The following PACRG variants were observed in gnomAD, a reference collection of about 807,000 sequenced individuals.
The protein encoded by PACRG is parkin coregulated gene protein.
A neutral mutation model predicts 29.7 loss-of-function variants in PACRG; 29 were observed. The observed-to-expected ratio is 0.98, with a 90% CI of 0.73 to 1.33. The LOEUF (loss-of-function observed/expected upper bound fraction) is 1.33. PACRG is among the 40% of genes most tolerant of loss of function. The pLI, the probability that PACRG is intolerant of heterozygous loss-of-function variation, is 0.00. For missense variants in PACRG, 279 were observed against 316.2 expected (o/e 0.88, Z 0.89); for synonymous variants, 116 against 118.7 (o/e 0.98, Z 0.15).
chr6:162,736,555 G>A (rs1217982154), intron 1 of PACRG, among the ~76,000 whole-genome samples: 1 of 151,984 alleles, frequency 6.6e-6, no homozygotes, highest in African/African-American at 2.4e-5. Context: ...ATCATGTTTG[G>A]TGAAATATAA....
intron 1 of PACRG, among the ~76,000 whole-genome samples, chr6:162,729,019 C>G (rs1432277719): frequency 6.6e-6 from 1 of 152,102 alleles, no homozygotes; most frequent in Non-Finnish European, 1.5e-5. Context: ...TATATCTCTG[C>G]TACTAATACA....
intron 2 of PACRG, among the ~76,000 whole-genome samples, chr6:162,899,344 C>CG (rs1554300294): frequency 3.9e-5 from 6 of 152,018 alleles, no homozygotes; most frequent in Admixed American, 6.6e-5. Flanking sequence ...CCAGAAACCA[C>CG]GGGGGGAAAG....
intron 2 of PACRG, among the ~76,000 whole-genome samples, chr6:163,004,595 C>T (rs1260915097): frequency 6.6e-6 from 1 of 151,788 alleles, no homozygotes; most frequent in East Asian, 2.0e-4. Flanking sequence ...CCCACCTGAT[C>T]TCTCCCTTGA....
intron 2 of PACRG, among the ~76,000 whole-genome samples, chr6:162,849,484 G>A (rs749873148): frequency 6.6e-6 from 1 of 152,204 alleles, no homozygotes; most frequent in Admixed American, 6.5e-5. Flanking sequence ...TTGCCAAACA[G>A]TGCACCCCCC....
intron 3 of PACRG, among the ~76,000 whole-genome samples, chr6:163,075,064 G>A (rs896738300): frequency 2.0e-5 from 3 of 152,028 alleles, no homozygotes; most frequent in South Asian, 2.1e-4. Flanking sequence ...AATAAAAAAG[G>A]AAGTGTCACA....
At chr6:162,990,589 G>C (rs1803368121) in intron 2 of PACRG, among the ~76,000 whole-genome samples, 1 of 91,252 alleles carries the variant, frequency 1.1e-5, no homozygotes, top group Non-Finnish European at 1.9e-5. Flanking sequence ...GGGGTTGTTT[G>C]TTTTTTTCTT....
intron 1 of PACRG, among the ~76,000 whole-genome samples, chr6:162,753,228 C>T (rs1781647459): frequency 1.3e-5 from 2 of 152,038 alleles, no homozygotes; most frequent in South Asian, 4.1e-4. Flanking sequence ...TTGCACCCTT[C>T]GATCAACAAC....
chr6:162,854,033 T>A (rs1486884351), intron 2 of PACRG, among the ~76,000 whole-genome samples: 5 of 152,090 alleles, frequency 3.3e-5, no homozygotes, highest in African/African-American at 7.2e-5. Context: ...AGGAAATATA[T>A]TACTAATCTA....
At chr6:162,837,639 A>G (rs61139715) in intron 2 of PACRG, among the ~76,000 whole-genome samples, 1,570 of 152,332 alleles carry the variant, frequency 0.01, 36 homozygotes, top group African/African-American at 0.036. Flanking sequence ...ACATTTTCCA[A>G]TAAGTTAATA....
intron 4 of PACRG, among the ~76,000 whole-genome samples, chr6:163,215,464 T>C (rs932334734): frequency 6.6e-5 from 10 of 152,232 alleles, no homozygotes; most frequent in African/African-American, 2.4e-4. Context: ...TCTCCTTGAC[T>C]AGGTTGATCC....
At chr6:162,978,200 G>A (rs1369633236) in intron 2 of PACRG, among the ~76,000 whole-genome samples, 1 of 151,992 alleles carries the variant, frequency 6.6e-6, no homozygotes, top group African/African-American at 2.4e-5. Flanking sequence ...TAAACAGCAT[G>A]AATGCTCATT....
intron 3 of PACRG, among the ~76,000 whole-genome samples, chr6:163,065,535 G>A (rs997795342): frequency 7.2e-5 from 11 of 152,152 alleles, no homozygotes; most frequent in Non-Finnish European, 1.2e-4. Context: ...CTCAATAAAA[G>A]TGAGAACAGT....
chr6:162,903,460 G>C (rs761300769), intron 2 of PACRG, among the ~76,000 whole-genome samples: 5 of 152,142 alleles, frequency 3.3e-5, no homozygotes, highest in South Asian at 2.1e-4. Flanking sequence ...CATGTGGCTG[G>C]GGAGGCCTCA....
intron 4 of PACRG, among the ~76,000 whole-genome samples, chr6:163,269,889 G>A (rs1435838542): frequency 2.9e-4 from 7 of 24,408 alleles, no homozygotes; most frequent in Admixed American, 8.4e-4. Flanking sequence ...AAGAAAGAAA[G>A]AAAACAAAGA....
At chr6:163,101,606 A>G (rs1815090730) in intron 4 of PACRG, among the ~76,000 whole-genome samples, 3 of 152,180 alleles carry the variant, frequency 2.0e-5, no homozygotes, top group Admixed American at 2.0e-4. Context: ...AAATTTCTAG[A>G]AGAATTTCTG....
chr6:163,098,151 C>A (rs749570596), intron 4 of PACRG, among the ~76,000 whole-genome samples: 25 of 152,102 alleles, frequency 1.6e-4, no homozygotes, highest in Non-Finnish European at 3.5e-4. Flanking sequence ...TCCCCAGGTC[C>A]CTTAGATAGG....
rs1242921162 is a variant in PACRG, at chr6:163,114,198, C to T, written c.613+24790C>T. ...CCAGGAGGTGGAGGTTTCAGTGAGT[C>T]GAGATTGTGCCACTGCACTTCAGCC... On this transcript the variant is annotated intron_variant, in intron 4 of 4. Transcript: ENST00000366888. 3.9e-5 allele frequency among the ~76,000 whole-genome samples: 6 copies of T among 152,190 alleles called. No individual in the cohort carries two copies. In the East Asian group the frequency reaches 5.8e-4, roughly 15 times the overall value.
chr6:162,835,622 A>G (rs1789154819), intron 2 of PACRG, among the ~76,000 whole-genome samples: 2 of 152,154 alleles, frequency 1.3e-5, no homozygotes, highest in African/African-American at 4.8e-5. Flanking sequence ...TCGACAATGA[A>G]AAACCGAAGG....
intron 2 of PACRG, among the ~76,000 whole-genome samples, chr6:162,838,495 G>A (rs1789444340): frequency 6.6e-6 from 1 of 152,076 alleles, no homozygotes; most frequent in Non-Finnish European, 1.5e-5. Context: ...AAGAAGGCTG[G>A]GAAATACAGT....
Sources: allele counts gnomAD v4.1 joint callset (sites outside exome capture counted in the v4.1 genomes callset), GRCh38; gene constraint gnomAD v4.1.1; transcripts MANE v1.5; gene names NCBI Gene and HGNC (gene_info 2026-07-23, HGNC 2026-07-21).